The following VSNL1 variants were observed in gnomAD, a reference collection of about 807,000 sequenced individuals.
The protein encoded by VSNL1 is visinin-like protein 1.
In VSNL1, 6 loss-of-function variants were observed where a neutral mutation model predicts 20.4. That is an observed-to-expected ratio of 0.29 (90% confidence interval 0.16 to 0.58). The LOEUF (loss-of-function observed/expected upper bound fraction) is 0.58. Ranked by LOEUF, VSNL1 falls within the 20% of genes least tolerant of loss-of-function variation. The pLI, the probability that VSNL1 is intolerant of heterozygous loss-of-function variation, is 0.90. For synonymous variants in VSNL1, 93 were observed against 86.4 expected (o/e 1.08, Z -0.42); for missense variants, 100 against 234.5 (o/e 0.43, Z 3.75).
rs544361237 is a variant in VSNL1 at position 17,644,099 on chromosome 2, C to CA, written c.163-5310dup. ...GTGGTGACGATGGATGGAAGGGCCT[C>CA]AGTGTAGGGAAAGTTAGGAAGCAAT... On this transcript the variant is annotated intron_variant, in intron 2 of 3. Transcript: ENST00000295156. 2.0e-3 allele frequency among the ~76,000 whole-genome samples: 310 copies of CA among 152,262 alleles called. 1 individual carries two copies. The highest frequency in any genetic ancestry group is 3.2e-3 in the Non-Finnish European group (216 of 68,006).
chr2:17,545,851 T>C (rs17380352), intron 1 of VSNL1, among the ~76,000 whole-genome samples: 4,453 of 152,232 alleles, frequency 0.029, 64 homozygotes, highest in Middle Eastern at 0.054. Context: ...ATCAGCTAAC[T>C]TAAAGTATGC....
intron 1 of VSNL1, among the ~76,000 whole-genome samples, chr2:17,589,432 G>A (rs780669509): frequency 1.3e-5 from 2 of 152,188 alleles, no homozygotes; most frequent in African/African-American, 2.4e-5. Context: ...TGTGCAGAAG[G>A]AGAGTGGTTG....
At chr2:17,626,358 C>T (rs1665508768) in intron 2 of VSNL1, among the ~76,000 whole-genome samples, 2 of 152,228 alleles carry the variant, frequency 1.3e-5, no homozygotes, top group East Asian at 1.9e-4. Context: ...CCAGTGAGCA[C>T]ATGTGGAAGT....
chr2:17,619,830 C>A (rs187796024), intron 2 of VSNL1, among the ~76,000 whole-genome samples: 2 of 151,426 alleles, frequency 1.3e-5, no homozygotes, highest in Admixed American at 1.3e-4. Context: ...TACTAGACAC[C>A]GGGGATTCAA....
chr2:17,599,640 C>T (rs974148026), intron 2 of VSNL1, among the ~76,000 whole-genome samples: 12 of 152,260 alleles, frequency 7.9e-5, no homozygotes, highest in African/African-American at 2.9e-4. Context: ...TCTTTATTCC[C>T]TTCCTTTCCA....
chr2:17,549,383 G>T (rs1663474847), intron 1 of VSNL1, among the ~76,000 whole-genome samples: 1 of 152,172 alleles, frequency 6.6e-6, no homozygotes, highest in Admixed American at 6.6e-5. Flanking sequence ...CATCCAGATA[G>T]ATAGATACAT....
chr2:17,583,003 G>T (rs1170633926), intron 1 of VSNL1, among the ~76,000 whole-genome samples: 1 of 152,086 alleles, frequency 6.6e-6, no homozygotes, highest in African/African-American at 2.4e-5. Context: ...GAATTTCAAA[G>T]TTGTTTTTAA....
chr2:17,646,743 TAAAA>T, intron 2 of VSNL1, among the ~76,000 whole-genome samples: 1 of 152,290 alleles, frequency 6.6e-6, no homozygotes, highest in Non-Finnish European at 1.5e-5. Flanking sequence ...TACATTGAGT[TAAAA>T]AGAAATTGAA....
At chr2:17,596,030 GACTTCCAGCTTCCAGA>G (rs1175231908) in intron 2 of VSNL1, among the ~76,000 whole-genome samples, 1 of 152,036 alleles carries the variant, frequency 6.6e-6, no homozygotes, top group Admixed American at 6.6e-5. Context: ...CATTCTCTTG[GACTTCCAGCTTCCAGA>G]ACTGTGAGAA....
chr2:17,579,675 T>G (rs1664304336), intron 1 of VSNL1, among the ~76,000 whole-genome samples: 1 of 152,148 alleles, frequency 6.6e-6, no homozygotes, highest in Admixed American at 6.5e-5. Context: ...AACTGAAACC[T>G]AGCTCTGGTG....
At chr2:17,586,624 C>G (rs1209264328) in intron 1 of VSNL1, among the ~76,000 whole-genome samples, 2 of 152,104 alleles carry the variant, frequency 1.3e-5, no homozygotes, top group Non-Finnish European at 2.9e-5. Flanking sequence ...CTGTTTATAT[C>G]CCACCTTACC....
At chr2:17,568,361 A>T (rs1664003687) in intron 1 of VSNL1, among the ~76,000 whole-genome samples, 1 of 152,098 alleles carries the variant, frequency 6.6e-6, no homozygotes. Flanking sequence ...TCAACCTTCC[A>T]GCCTCTGGTG....
intron 2 of VSNL1, among the ~76,000 whole-genome samples, chr2:17,616,678 G>C (rs977574922): frequency 6.6e-6 from 1 of 152,254 alleles, no homozygotes; most frequent in Non-Finnish European, 1.5e-5. Context: ...GGCTAGCTGA[G>C]TATTCTTGAA....
intron 1 of VSNL1, among the ~76,000 whole-genome samples, chr2:17,590,385 A>T (rs1267794201): frequency 6.6e-6 from 1 of 152,168 alleles, no homozygotes; most frequent in East Asian, 1.9e-4. Context: ...TGATTTCCAC[A>T]CCCAGCTGTG....
intron 1 of VSNL1, among the ~76,000 whole-genome samples, chr2:17,589,359 A>G (rs1664549078): frequency 6.6e-6 from 1 of 152,218 alleles, no homozygotes; most frequent in Non-Finnish European, 1.5e-5. Flanking sequence ...ACTAAGGAGA[A>G]GTACAGAGGC....
intron 1 of VSNL1, among the ~76,000 whole-genome samples, chr2:17,581,876 C>G (rs1331378903): frequency 6.6e-6 from 1 of 152,196 alleles, no homozygotes; most frequent in Non-Finnish European, 1.5e-5. Flanking sequence ...GGGCTCTGAA[C>G]TAGTGCTGAG....
At chr2:17,564,035 A>G (rs777934703) in intron 1 of VSNL1, among the ~76,000 whole-genome samples, 9 of 152,200 alleles carry the variant, frequency 5.9e-5, no homozygotes, top group Non-Finnish European at 1.2e-4. Context: ...TGTTTCAGAA[A>G]GGATTTCAGT....
intron 2 of VSNL1, among the ~76,000 whole-genome samples, chr2:17,594,920 A>T (rs1664678984): frequency 6.6e-6 from 1 of 152,240 alleles, no homozygotes; most frequent in Admixed American, 6.5e-5. Flanking sequence ...ACTGAGGTTT[A>T]GAGAAATGAG....
chr2:17,600,312 T>C (rs145324339), intron 2 of VSNL1, among the ~76,000 whole-genome samples: 43 of 152,282 alleles, frequency 2.8e-4, no homozygotes, highest in African/African-American at 1.0e-3. Context: ...CTTGTTGAGA[T>C]AGGAGGGTGG....
Sources: gnomAD v4.1 joint callset for allele counts (sites outside exome capture counted in the v4.1 genomes callset) on GRCh38, gnomAD v4.1.1 for gene constraint, MANE v1.5 for transcripts, NCBI Gene and HGNC (gene_info 2026-07-23, HGNC 2026-07-21) for gene names.